The following ZNF480 variants were observed in gnomAD, a reference collection of about 807,000 sequenced individuals.
ZNF480 encodes zinc finger protein 480.
ZNF480 carries 15 observed loss-of-function variants against 14.4 expected under a neutral mutation model. The observed-to-expected ratio is 1.04, with a 90% confidence interval of 0.70 to 1.60. ZNF480 has a LOEUF of 1.60. Among genes scored for constraint, ZNF480 ranks in the 40% most tolerant of loss-of-function variants. The pLI, the probability that ZNF480 is intolerant of heterozygous loss-of-function variation, is 0.00. For synonymous variants in ZNF480, 218 were observed against 215.5 expected (o/e 1.01, Z -0.10); for missense variants, 593 against 629.7 (o/e 0.94, Z 0.62).
intron 3 of ZNF480, 87 bp from the exon 4 acceptor site, chr19:52,315,747 A>C (rs931670074): frequency 5.5e-6 from 8 of 1,448,756 alleles, no homozygotes; most frequent in Middle Eastern, 1.8e-4. Flanking sequence ...TTCTTGATTC[A>C]TTTGTGATAT....
chr19:52,297,606 A>G (rs181436132), intron 1 of ZNF480, among the ~76,000 whole-genome samples: 77 of 152,232 alleles, frequency 5.1e-4, no homozygotes, highest in Non-Finnish European at 6.0e-4. Flanking sequence ...ATCTCAATCC[A>G]GGAGAAGCCG....
Position 52,322,154 on chromosome 19 carries a change from C to T in ZNF480, c.904C>T (p.Leu302Phe). The change falls in exon 5 of 5, where the codon CTT becomes TTT. Residue 302 changes from leucine (L) to phenylalanine (F), a missense_variant. Physicochemically the swap from Leu to Phe is conservative, Grantham distance 22. Coordinates refer to ENST00000595962, the MANE Select transcript of ZNF480 (RefSeq NM_144684.4). The stretch of plus-strand genomic sequence containing the variant: ...TAAAGTCTTCAGTAATAATTCTTAC[C>T]TTGCACGACATCAAAGAATTCATGC... ...CGKVFSNNSY[L>F]ARHQRIHAEE... 1 of 1,613,934 alleles carries T rather than the reference C, an allele frequency of 6.2e-7. No individual in the cohort carries two copies. Among genetic ancestry groups the T allele is most frequent in the East Asian group, 2.2e-5 (1 of 44,788 alleles).
At chr19:52,302,224 C>T in intron 2 of ZNF480, 1 of 164,290 alleles carries the variant, frequency 6.1e-6, no homozygotes, top group South Asian at 1.8e-4. Flanking sequence ...ACCAGTTCTG[C>T]TTCTGTCTTT....
At chr19:52,304,560 G>A (rs1020285321) in intron 2 of ZNF480, among the ~76,000 whole-genome samples, 7 of 152,170 alleles carry the variant, frequency 4.6e-5, no homozygotes, top group African/African-American at 1.7e-4. Context: ...AAAGGTATAG[G>A]TTCTGGAGGC....
At chr19:52,312,361 C>T (rs535740072) in intron 2 of ZNF480, among the ~76,000 whole-genome samples, 22 of 152,230 alleles carry the variant, frequency 1.4e-4, no homozygotes, top group Non-Finnish European at 2.9e-4. Context: ...TGGGCTTCAC[C>T]ACGTTGGTCA....
intron 2 of ZNF480, among the ~76,000 whole-genome samples, chr19:52,311,353 A>G (rs1983276605): frequency 6.6e-6 from 1 of 151,920 alleles, no homozygotes; most frequent in Admixed American, 6.6e-5. Flanking sequence ...CATATTTTTT[A>G]TATCAATAAA....
chr19:52,314,785 CAA>C (rs1983471417), intron 3 of ZNF480, among the ~76,000 whole-genome samples: 1 of 151,496 alleles, frequency 6.6e-6, no homozygotes, highest in Non-Finnish European at 1.5e-5. Flanking sequence ...GCCTGGGTAA[CAA>C]GAGTGAAACT....
chr19:52,300,163 T>G (rs1453197345), intron 1 of ZNF480, among the ~76,000 whole-genome samples: 4 of 152,230 alleles, frequency 2.6e-5, no homozygotes, highest in Non-Finnish European at 5.9e-5. Context: ...AGCTCCCCAC[T>G]GCTGCAGCGT....
At chr19:52,318,676 G>A (rs1983668839) in intron 4 of ZNF480, among the ~76,000 whole-genome samples, 1 of 152,106 alleles carries the variant, frequency 6.6e-6, no homozygotes, top group African/African-American at 2.4e-5. Context: ...TAGACTTTAA[G>A]TTAATTTTTG....
intron 3 of ZNF480, among the ~76,000 whole-genome samples, chr19:52,315,324 T>C (rs77722470): frequency 7.2e-6 from 1 of 139,450 alleles, no homozygotes; most frequent in South Asian, 2.2e-4. Flanking sequence ...TTATGTTTTG[T>C]TTTTTTTTTT....
In ZNF480 at chr19:52,322,847, C is replaced by T. The variant is rs1168850473; in HGVS notation, c.1597C>T (p.His533Tyr). Reference sequence around the variant, plus strand: ...ATACCTAGCACAACATTGGACAATTCATATGGGATAGAAACTACAAATGCA... The same window carrying T: ...ATACCTAGCACAACATTGGACAATTTATATGGGATAGAAACTACAAATGCA... ...ISYLAQHWTIHMG is the reference protein window; with the variant it reads ...ISYLAQHWTIYMG The change falls in exon 5 of 5, where the codon CAT becomes TAT. Residue 533 changes from histidine (H) to tyrosine (Y), a missense_variant. Physicochemically the swap from His to Tyr is moderately conservative, Grantham distance 83 (BLOSUM62 2). Transcript: ENST00000595962. 6.3e-6 allele frequency: 10 copies of T among 1,577,244 alleles called. No individual in the cohort carries two copies. The highest frequency in any genetic ancestry group is 8.6e-6 in the Non-Finnish European group (10 of 1,158,808).
chr19:52,309,999 AT>A (rs1348572701), intron 2 of ZNF480, among the ~76,000 whole-genome samples: 3 of 150,688 alleles, frequency 2.0e-5, no homozygotes, highest in Non-Finnish European at 4.4e-5. Context: ...AAAGAAGGAA[AT>A]TTTTTTCAAT....
At chr19:52,300,370 A>G (rs749844759) in intron 1 of ZNF480, 24 bp from the exon 2 acceptor site, 1 of 1,610,266 alleles carries the variant, frequency 6.2e-7, no homozygotes, top group Non-Finnish European at 8.5e-7. Flanking sequence ...TCTAAGCCCT[A>G]AACAGCATAT....
intron 2 of ZNF480, chr19:52,300,986 A>T (rs1426887454): frequency 6.2e-6 from 1 of 161,568 alleles, no homozygotes; most frequent in Non-Finnish European, 1.4e-5. Context: ...GTCCTGCTCC[A>T]GTAAGCCAAC....
intron 4 of ZNF480, among the ~76,000 whole-genome samples, chr19:52,319,817 T>G (rs1052556940): frequency 4.8e-4 from 48 of 99,366 alleles, no homozygotes; most frequent in African/African-American, 1.1e-3. Flanking sequence ...CTGTGTTTTT[T>G]TTTTTTTTTT....
In ZNF480 at chr19:52,323,026, T is replaced by A. The variant is rs1412888616; in HGVS notation, c.*168T>A. The A allele has an allele frequency of 2.0e-6, 1 of 507,176 alleles. No homozygotes were observed. Among genetic ancestry groups the A allele is most frequent in the Admixed American group, 3.8e-5 (1 of 26,496 alleles). The allele number at this position is 507,176 out of a possible 1,614,324, so 31.4% of individuals were successfully genotyped here. On this transcript the variant is annotated 3_prime_UTR_variant, in exon 5 of 5. Coordinates refer to ENST00000595962, the MANE Select transcript of ZNF480 (RefSeq NM_144684.4). ...ATTAGAGAATTTATACTGGAGAGACTTCACAATTATAATAAATGTGTGGAA... is the reference window on the plus strand; with the variant it reads ...ATTAGAGAATTTATACTGGAGAGACATCACAATTATAATAAATGTGTGGAA...
intron 3 of ZNF480, 24 bp from the exon 4 acceptor site, chr19:52,315,810 T>C (rs1279034955): frequency 5.0e-6 from 8 of 1,599,968 alleles, no homozygotes; most frequent in Non-Finnish European, 6.8e-6. Context: ...TACAGCACAT[T>C]TTGATTTTTT....
Position 52,325,683 on chromosome 19 carries a change from C to T in ZNF480, c.*2825C>T, listed in dbSNP as rs140671869. 3 of 152,184 alleles carry T rather than the reference C, an allele frequency of 2.0e-5. No homozygotes were observed. The highest frequency in any genetic ancestry group is 4.4e-5 in the Non-Finnish European group (3 of 68,006). The allele number at this position is 152,184 out of a possible 1,614,324, so 9.4% of individuals were successfully genotyped here. The stretch of plus-strand genomic sequence containing the variant: ...ATGCAGGAACAGAAAATGAAATATC[C>T]CATGTTCTCACTTATAAGTGGGAGC... On this transcript the variant is annotated 3_prime_UTR_variant, in exon 5 of 5. Coordinates refer to ENST00000595962, the MANE Select transcript of ZNF480 (RefSeq NM_144684.4).
intron 2 of ZNF480, among the ~76,000 whole-genome samples, chr19:52,313,134 CTTTTT>C (rs33954410): frequency 4.6e-5 from 6 of 131,722 alleles, no homozygotes; most frequent in Admixed American, 7.7e-5. Flanking sequence ...AATTCTTTCT[CTTTTT>C]TTTTTTTTTT....
Sources: allele counts gnomAD v4.1 joint callset (sites outside exome capture counted in the v4.1 genomes callset), GRCh38; gene constraint gnomAD v4.1.1; transcripts MANE v1.5; gene names NCBI Gene and HGNC (gene_info 2026-07-23, HGNC 2026-07-21).